XPO1: variants seen among roughly 807,000 people sequenced by gnomAD.
The protein encoded by XPO1 is exportin-1.
A neutral mutation model predicts 133.3 loss-of-function variants in XPO1; 5 were observed. The ratio of observed to expected loss-of-function variants is 0.04; its 90% CI spans 0.02 to 0.08. The LOEUF is 0.08. XPO1 is among the 10% of genes least tolerant of loss of function. The pLI is 1.00. For missense variants in XPO1, 506 were observed against 1,267.5 expected (o/e 0.40, Z 9.12); for synonymous variants, 419 against 408.2 (o/e 1.03, Z -0.32).
At chr2:61,494,738 T>C (rs1697156327) in intron 11 of XPO1, 1 of 151,212 alleles carries the variant, frequency 6.6e-6, no homozygotes, top group Non-Finnish European at 1.5e-5. Flanking sequence ...ACATTGTATA[T>C]ATACTAATAT....
chr2:61,497,498 A>G (rs1263530855), intron 9 of XPO1, among the ~76,000 whole-genome samples: 4 of 152,232 alleles, frequency 2.6e-5, no homozygotes, highest in Non-Finnish European at 5.9e-5. Flanking sequence ...GGCGTGAGCC[A>G]CAGCGCCCGG....
intron 3 of XPO1, among the ~76,000 whole-genome samples, chr2:61,522,922 C>CA (rs1484403768): frequency 6.6e-6 from 1 of 152,176 alleles, no homozygotes; most frequent in African/African-American, 2.4e-5. Context: ...TACATGCTCA[C>CA]ACCAGGAGGA....
At chr2:61,494,172 G>A (rs1337078978) in intron 11 of XPO1, 81 bp from the exon 12 acceptor site, 5 of 1,291,308 alleles carry the variant, frequency 3.9e-6, no homozygotes, top group Non-Finnish European at 5.3e-6. Context: ...ACACCTTAAG[G>A]GAAAATAAAA....
chr2:61,506,027 A>T (rs1286133258), intron 4 of XPO1, among the ~76,000 whole-genome samples: 2 of 152,212 alleles, frequency 1.3e-5, no homozygotes, highest in Non-Finnish European at 2.9e-5. Context: ...GTGATTGCCT[A>T]GTACAAGGAT....
At chr2:61,489,462 T>C (rs1696858506) in intron 17 of XPO1, among the ~76,000 whole-genome samples, 1 of 151,778 alleles carries the variant, frequency 6.6e-6, no homozygotes, top group South Asian at 2.1e-4. Context: ...CCATTACGCT[T>C]CCCTTACCCT....
rs570879098 is a variant in XPO1 at position 61,506,645 on chromosome 2, T to C, written c.302-4335A>G. On this transcript the variant is annotated intron_variant, in intron 4 of 24. Coordinates refer to ENST00000401558, the MANE Select transcript of XPO1 (RefSeq NM_003400.4). ...ATGTTAAACTGCACTTAAAAATAAA[T>C]TAGTACACTCAAGCCTGGGCGACAG... 2.6e-3 allele frequency among the ~76,000 whole-genome samples: 369 copies of C among 141,498 alleles called. 1 individual carries two copies. Among genetic ancestry groups the C allele is most frequent in the African/African-American group, 9.1e-3 (346 of 37,870 alleles). The allele number at this position is 141,498 out of a possible 152,430, so 92.8% of individuals were successfully genotyped here.
intron 4 of XPO1, among the ~76,000 whole-genome samples, chr2:61,516,542 A>G (rs968514467): frequency 1.1e-4 from 16 of 151,314 alleles, no homozygotes; most frequent in East Asian, 4.0e-4. Context: ...AGCCTCCCCA[A>G]TAGCTGGGAT....
intron 2 of XPO1, among the ~76,000 whole-genome samples, chr2:61,529,993 CAT>C (rs1214929682): frequency 6.6e-6 from 1 of 152,152 alleles, no homozygotes; most frequent in Non-Finnish European, 1.5e-5. Context: ...CATAATGTGT[CAT>C]ATGAGAAATG....
Position 61,485,473 on chromosome 2 carries a change from A to ACCG in XPO1, c.2508+294_2508+295insCGG, listed in dbSNP as rs1553402569. 38 of 103,644 alleles carry ACCG rather than the reference A, an allele frequency of 3.7e-4. 1 individual carries two copies. In the South Asian group the frequency reaches 0.013, roughly 36 times the overall value. The allele number at this position is 103,644 out of a possible 1,614,324, so 6.4% of individuals were successfully genotyped here. A position where few individuals can be genotyped will look rare whatever the true frequency, so the allele number is the denominator to read the frequency against. On this transcript the variant is annotated intron_variant, in intron 20 of 24. Transcript: ENST00000401558. ...CATCTTGAACTCCCAGGCTCAAGTG[A>ACCG]CCCCCCCCCCCACTTCAGCCTTTCG...
Position 61,488,746 on chromosome 2 carries a change from T to A in XPO1, c.2048A>T (p.Glu683Val). 1.9e-6 allele frequency: 3 copies of A among 1,613,642 alleles called. No individual in the cohort carries two copies. The highest frequency in any genetic ancestry group is 2.5e-6 in the Non-Finnish European group (3 of 1,179,904). ...AATGCTACCAAGCTGCTTGACTGTT[T>A]CAGGATCTTTCAGTATATCCACATT... ...TKNVDILKDP[E>V]TVKQLGSILK... The change falls in exon 18 of 25, where the codon GAA (glutamate) becomes GTA (valine). Residue 683 changes from glutamate (E) to valine (V), a missense_variant. Around this residue, in one of 6 missense-constraint regions of XPO1, gnomAD observed 60 missense variants for 211.0 expected, o/e 0.28. Transcript: ENST00000401558.
chr2:61,498,531 A>T, intron 9 of XPO1, 142 bp downstream of exon 9: 1 of 998,266 alleles, frequency 1.0e-6, no homozygotes, highest in South Asian at 2.0e-5. Context: ...CTAGGTGTGA[A>T]TATGGGAAAT....
intron 4 of XPO1, among the ~76,000 whole-genome samples, chr2:61,511,241 A>C (rs980035213): frequency 6.6e-6 from 1 of 152,004 alleles, no homozygotes; most frequent in Non-Finnish European, 1.5e-5. Context: ...CTCCGGCCTC[A>C]GCCTTCAGAG....
Position 61,478,785 on chromosome 2 carries a change from A to G in XPO1, c.*35T>C. ...CACATGCTGTTTTCCTCTGCTAACG[A>G]GTTGCAGAGAAAAAAAACAGCATGA... On this transcript the variant is annotated 3_prime_UTR_variant, in exon 25 of 25. Transcript: ENST00000401558. The G allele has an allele frequency of 6.2e-7, 1 of 1,606,838 alleles. No homozygotes were observed. The highest frequency in any genetic ancestry group is 1.1e-5 in the South Asian group (1 of 90,004).
Position 61,478,794 on chromosome 2 carries a change from G to GA in XPO1, c.*25dup, listed in dbSNP as rs750314461. 66 of 1,607,780 alleles carry GA rather than the reference G, an allele frequency of 4.1e-5. No individual in the cohort carries two copies. The highest frequency in any genetic ancestry group is 1.5e-4 in the African/African-American group (11 of 74,772). ...TTTTCCTCTGCTAACGAGTTGCAGAGAAAAAAAACAGCATGAATTTGGATT... is the reference window on the plus strand; with the variant it reads ...TTTTCCTCTGCTAACGAGTTGCAGAGAAAAAAAAACAGCATGAATTTGGATT... On this transcript the variant is annotated 3_prime_UTR_variant, in exon 25 of 25. Transcript: ENST00000401558.
chr2:61,487,322 C>T (rs1168781169), intron 19 of XPO1, among the ~76,000 whole-genome samples: 2 of 152,208 alleles, frequency 1.3e-5, no homozygotes, highest in East Asian at 3.8e-4. Context: ...ACAAACATCA[C>T]AATTCCTTCA....
chr2:61,512,483 C>A (rs190909855), intron 4 of XPO1, among the ~76,000 whole-genome samples: 1 of 152,278 alleles, frequency 6.6e-6, no homozygotes, highest in Non-Finnish European at 1.5e-5. Flanking sequence ...TTTCTCACAA[C>A]AGGAAGGGAA....
chr2:61,534,160 T>G (rs1430414041), intron 1 of XPO1: 1 of 293,844 alleles, frequency 3.4e-6, no homozygotes, highest in Non-Finnish European at 6.2e-6. Context: ...GACTTTCCTA[T>G]TCTACTAACA....
In XPO1 at chr2:61,501,979, G is replaced by A; in HGVS notation, c.408+17C>T. ...AAGCATAATTCTTCTAAGGAAAACA[G>A]TTAAGTTAAAGCTTACCTGAACAAG... On this transcript the variant is annotated intron_variant, in intron 6 of 24. Coordinates refer to ENST00000401558, the MANE Select transcript of XPO1 (RefSeq NM_003400.4). 2 of 1,573,674 alleles carry A rather than the reference G, an allele frequency of 1.3e-6. No homozygotes were observed. The highest frequency in any genetic ancestry group is 1.8e-4 in the Middle Eastern group (1 of 5,432).
intron 7 of XPO1, among the ~76,000 whole-genome samples, chr2:61,499,157 C>T (rs1697383234): frequency 6.6e-6 from 1 of 152,158 alleles, no homozygotes; most frequent in Non-Finnish European, 1.5e-5. Context: ...ATAGTTTATA[C>T]CAGTTGCTTA....
Sources: gnomAD v4.1 joint callset for allele counts (sites outside exome capture counted in the v4.1 genomes callset) on GRCh38, gnomAD v4.1.1 for gene constraint, gnomAD v4.1.1 regional missense constraint, MANE v1.5 for transcripts, NCBI Gene and HGNC (gene_info 2026-07-23, HGNC 2026-07-21) for gene names.